Variants in PIK3C2G observed in about 807,000 individuals in gnomAD.
PIK3C2G encodes the protein phosphatidylinositol-4-phosphate 3-kinase catalytic subunit type 2 gamma.
PIK3C2G carries 168 observed loss-of-function variants against 181.1 expected under a neutral mutation model. The ratio of observed to expected loss-of-function variants is 0.93; its 90% CI spans 0.82 to 1.05. The LOEUF is 1.05. PIK3C2G is among the 50% of genes least tolerant of loss of function. The pLI is 0.00. For synonymous variants in PIK3C2G, 573 were observed against 592.2 expected (o/e 0.97, Z 0.47); for missense variants, 1,869 against 1,732.8 (o/e 1.08, Z -1.40).
At chr12:18,258,513 CAT>C (rs1334150804), upstream of PIK3C2G, among the ~76,000 whole-genome samples, 2 of 152,176 alleles carry the variant, frequency 1.3e-5, no homozygotes, top group South Asian at 2.1e-4. Context: ...AGATTTCACA[CAT>C]GAGTAAGATT....
intron 24 of PIK3C2G, among the ~76,000 whole-genome samples, chr12:18,512,879 A>G (rs1372593826): frequency 1.3e-5 from 2 of 151,934 alleles, no homozygotes; most frequent in Non-Finnish European, 2.9e-5. Context: ...CTCTGATCTT[A>G]GAGGAAAAGC....
chr12:18,476,766 G>C (rs1939042063), intron 18 of PIK3C2G, among the ~76,000 whole-genome samples: 2 of 151,996 alleles, frequency 1.3e-5, no homozygotes, highest in Admixed American at 6.6e-5. Context: ...AGGTGAAGAA[G>C]CAGGTATTGG....
At chr12:18,260,416 G>A (rs1212932842), upstream of PIK3C2G, among the ~76,000 whole-genome samples, 5 of 151,972 alleles carry the variant, frequency 3.3e-5, no homozygotes, top group African/African-American at 1.2e-4. Flanking sequence ...AAATATAAAG[G>A]TATGATTGTT....
chr12:18,336,752 T>C (rs914723100), intron 8 of PIK3C2G, among the ~76,000 whole-genome samples: 2 of 152,216 alleles, frequency 1.3e-5, no homozygotes, highest in Non-Finnish European at 2.9e-5. Context: ...TTTTTACTTT[T>C]AGCTCATTAA....
At chr12:18,588,300 C>T (rs979241072) in intron 29 of PIK3C2G, among the ~76,000 whole-genome samples, 7 of 151,970 alleles carry the variant, frequency 4.6e-5, no homozygotes, top group Admixed American at 3.3e-4. Context: ...AAATAATTAA[C>T]AGAGTAAGCA....
chr12:18,596,193 T>A (rs916760345), intron 30 of PIK3C2G, among the ~76,000 whole-genome samples: 4 of 152,122 alleles, frequency 2.6e-5, no homozygotes, highest in Non-Finnish European at 5.9e-5. Flanking sequence ...TTTTTCTCTC[T>A]TGTCCTTATC....
At chr12:18,626,139 G>T (rs1354651734) in intron 31 of PIK3C2G, among the ~76,000 whole-genome samples, 3 of 151,492 alleles carry the variant, frequency 2.0e-5, no homozygotes, top group Admixed American at 2.0e-4. Context: ...GTGGATTGAT[G>T]GTTTTCTGTA....
rs1947497297 is a variant in PIK3C2G at position 18,598,352 on chromosome 12, A to T, written c.4087+3783A>T. 5.9e-5 allele frequency among the ~76,000 whole-genome samples: 9 copies of T among 152,042 alleles called. No homozygotes were observed. The South Asian group carries it at 1.9e-3, about 32-fold the overall frequency. On this transcript the variant is annotated intron_variant, in intron 30 of 32. Transcript: ENST00000538779. ...CCCTCAGAAAAAACGCCGCATATCT[A>T]CAACTATCTGATCTTTGACAAACCT...
rs531316938 is a variant in PIK3C2G at position 18,297,821 on chromosome 12, A to G, written c.1034+3806A>G. Among the ~76,000 whole-genome samples, 29 of 152,160 alleles carry G rather than the reference A, an allele frequency of 1.9e-4. No individual in the cohort carries two copies. In the South Asian group the frequency reaches 3.7e-3, roughly 20 times the overall value. On this transcript the variant is annotated intron_variant, in intron 5 of 32. Coordinates refer to ENST00000538779, the MANE Select transcript of PIK3C2G (RefSeq NM_001288772.2). The stretch of plus-strand genomic sequence containing the variant: ...TGTTTTACTTAATGTAATGGCCTCT[A>G]GTTCCATCCATGTTGCTGCAAATGA...
At chr12:18,295,862 T>A (rs1415242850) in intron 5 of PIK3C2G, among the ~76,000 whole-genome samples, 1 of 152,056 alleles carries the variant, frequency 6.6e-6, no homozygotes, top group Non-Finnish European at 1.5e-5. Context: ...TATTAGTCAT[T>A]CAAATATTAC....
At chr12:18,673,519 T>C in the PIK3C2G span, among the ~76,000 whole-genome samples, 1 of 152,180 alleles carries the variant, frequency 6.6e-6, no homozygotes, top group East Asian at 1.9e-4. Flanking sequence ...AGAGAAGCCT[T>C]GGATATCTGC....
intron 31 of PIK3C2G, among the ~76,000 whole-genome samples, chr12:18,629,030 T>A (rs946085559): frequency 6.6e-6 from 1 of 152,220 alleles, no homozygotes; most frequent in Non-Finnish European, 1.5e-5. Flanking sequence ...CAAGAGCATT[T>A]ACATATATTT....
intron 8 of PIK3C2G, among the ~76,000 whole-genome samples, chr12:18,329,483 G>T (rs556156430): frequency 6.6e-6 from 1 of 151,956 alleles, no homozygotes; most frequent in African/African-American, 2.4e-5. Flanking sequence ...AGCAATATAA[G>T]GTGTTGATTT....
At chr12:18,595,385 A>G (rs1316968689) in intron 30 of PIK3C2G, among the ~76,000 whole-genome samples, 1 of 152,054 alleles carries the variant, frequency 6.6e-6, no homozygotes, top group Non-Finnish European at 1.5e-5. Context: ...TAACCTAGGA[A>G]AACATTAAGC....
intron 18 of PIK3C2G, among the ~76,000 whole-genome samples, chr12:18,433,198 T>C (rs763791248): frequency 1.3e-5 from 2 of 152,126 alleles, no homozygotes; most frequent in Non-Finnish European, 2.9e-5. Flanking sequence ...ATCTTTCTTT[T>C]ATAGTGTCTA....
rs994778892 is a variant in PIK3C2G, at chr12:18,525,359, C to G, written c.3324-12797C>G. On this transcript the variant is annotated intron_variant, in intron 24 of 32. Transcript: ENST00000538779. ...GTGAACCAAGATTGCACCACTGTTA[C>G]TCCAACCTGGGCAACAAAAGCAAAA... is the stretch of plus-strand genomic sequence containing the variant. Among the ~76,000 whole-genome samples the G allele has an allele frequency of 2.0e-5, 3 of 151,886 alleles. 1 individual carries two copies. The highest frequency in any genetic ancestry group is 2.0e-4 in the Admixed American group (3 of 15,256).
chr12:18,515,003 A>T (rs1309745312), intron 24 of PIK3C2G, among the ~76,000 whole-genome samples: 1 of 151,916 alleles, frequency 6.6e-6, no homozygotes, highest in East Asian at 1.9e-4. Context: ...CAATTATATG[A>T]TTTGTGTCCT....
rs1417807301 is a variant in PIK3C2G, at chr12:18,620,523, CAGACAGAT to C, written c.4182+10898_4182+10905del. ...TATGACAGATAGATAAATGATTAGA[CAGACAGAT>C]AGATAGATAGATAGATAGATAGATA... On this transcript the variant is annotated intron_variant, in intron 31 of 32. Coordinates refer to ENST00000538779, the MANE Select transcript of PIK3C2G (RefSeq NM_001288772.2). Among the ~76,000 whole-genome samples, 11 of 128,028 alleles carry C rather than the reference CAGACAGAT, an allele frequency of 8.6e-5. No individual in the cohort carries two copies. The South Asian group carries it at 2.8e-3, about 33-fold the overall frequency. 84.0% of individuals were successfully genotyped at this position (128,028 alleles called of 152,430 possible).
At chr12:18,360,126 GTTTTGATTTTT>G (rs1192109038) in intron 11 of PIK3C2G, among the ~76,000 whole-genome samples, 7 of 151,442 alleles carry the variant, frequency 4.6e-5, no homozygotes, top group Admixed American at 1.3e-4. Context: ...GTAATGATAT[GTTTTGATTTTT>G]TTTCTTGTTT....
Sources: allele counts gnomAD v4.1 joint callset (sites outside exome capture counted in the v4.1 genomes callset), GRCh38; gene constraint gnomAD v4.1.1; transcripts MANE v1.5; gene names NCBI Gene and HGNC (gene_info 2026-07-23, HGNC 2026-07-21).